The following FANK1 variants were observed in gnomAD, a reference collection of about 807,000 sequenced individuals.
The protein encoded by FANK1 is fibronectin type III and ankyrin repeat domains 1.
Under a neutral mutation model 45.3 loss-of-function variants are expected in FANK1, and 44 were observed. That is an observed-to-expected ratio of 0.97 (90% CI 0.76 to 1.25). The LOEUF is 1.25. FANK1 is among the 50% of genes most tolerant of loss of function. The pLI is 0.00. For missense variants in FANK1, 391 were observed against 424.4 expected (o/e 0.92, Z 0.69); for synonymous variants, 149 against 152.5 (o/e 0.98, Z 0.17).
At chr10:126,004,825 T>G in intron 6 of FANK1, 59 bp from the exon 7 acceptor site, 11 of 1,572,158 alleles carry the variant, frequency 7.0e-6, no homozygotes, top group Non-Finnish European at 8.7e-6. Flanking sequence ...GGGTAAAAGG[T>G]GGAGCTGAGT....
At position 126,005,001 on chromosome 10, in the gene FANK1, TGGA is replaced by T. The variant is rs775249750; in HGVS notation, c.660_662del (p.Gly221del). The T allele has an allele frequency of 8.1e-6, 13 of 1,613,998 alleles. No homozygotes were observed. The highest frequency in any genetic ancestry group is 1.3e-5 in the African/African-American group (1 of 74,920). On this transcript the variant is annotated inframe_deletion, in exon 7 of 11. Coordinates refer to ENST00000368693, the MANE Select transcript of FANK1 (RefSeq NM_145235.5). Reference sequence around the variant, plus strand: ...GTACAGCTCTGCACTGGGCTGCAGATGGAGGCCACTGCAGTGTGATTGAGTGGA... The same window carrying T: ...GTACAGCTCTGCACTGGGCTGCAGATGGCCACTGCAGTGTGATTGAGTGGA...
intron 1 of FANK1, among the ~76,000 whole-genome samples, chr10:125,923,551 AG>A (rs1465755216): frequency 6.6e-6 from 1 of 151,832 alleles, no homozygotes; most frequent in African/African-American, 2.4e-5. Context: ...TATTTGAGAC[AG>A]GGTCTCACTC....
At chr10:125,938,204 C>T (rs1948223323) in intron 1 of FANK1, among the ~76,000 whole-genome samples, 2 of 152,022 alleles carry the variant, frequency 1.3e-5, no homozygotes, top group Admixed American at 1.3e-4. Context: ...AGGATTCTCA[C>T]TGCGGAAGAA....
At chr10:125,951,227 C>G (rs1456190354) in intron 1 of FANK1, among the ~76,000 whole-genome samples, 1 of 143,090 alleles carries the variant, frequency 7.0e-6, no homozygotes, top group Non-Finnish European at 1.5e-5. Context: ...TACCCTAAAA[C>G]TTAAAGTATA....
At chr10:125,960,693 A>AT (rs913466342) in intron 1 of FANK1, among the ~76,000 whole-genome samples, 4 of 151,810 alleles carry the variant, frequency 2.6e-5, no homozygotes, top group Admixed American at 1.3e-4. Context: ...TGCCCAGCTA[A>AT]TTTTTTTTGT....
At chr10:125,943,252 AT>A (rs1026809293) in intron 1 of FANK1, among the ~76,000 whole-genome samples, 3 of 150,488 alleles carry the variant, frequency 2.0e-5, no homozygotes, top group Admixed American at 6.6e-5. Flanking sequence ...GACATTTTTC[AT>A]TTTTTTTTCT....
chr10:125,989,390 T>A (rs1211492478), intron 3 of FANK1: 1 of 1,544,076 alleles, frequency 6.5e-7, no homozygotes, highest in South Asian at 1.2e-5. Flanking sequence ...AAAGGAAACC[T>A]TCCTTTTGTG....
chr10:125,941,979 G>GT (rs1178232646), intron 1 of FANK1, among the ~76,000 whole-genome samples: 1 of 152,208 alleles, frequency 6.6e-6, no homozygotes, highest in African/African-American at 2.4e-5. Context: ...GGGGCCACTG[G>GT]TATTAGTAAT....
chr10:125,922,843 C>T (rs1448527349), intron 1 of FANK1, among the ~76,000 whole-genome samples: 7 of 152,150 alleles, frequency 4.6e-5, no homozygotes, highest in East Asian at 1.9e-4. Flanking sequence ...TTCTGATCCA[C>T]GTTGAATAAT....
chr10:125,921,153 A>G (rs1357336671), intron 1 of FANK1, among the ~76,000 whole-genome samples: 1 of 152,158 alleles, frequency 6.6e-6, no homozygotes, highest in Non-Finnish European at 1.5e-5. Context: ...CCCATGTATT[A>G]TGTTTGTTTT....
At chr10:125,978,620 A>G (rs552701293) in intron 1 of FANK1, among the ~76,000 whole-genome samples, 13 of 152,134 alleles carry the variant, frequency 8.5e-5, no homozygotes, top group East Asian at 1.9e-4. Flanking sequence ...TAGAGCAGCT[A>G]TGCTGTACTG....
intron 8 of FANK1, among the ~76,000 whole-genome samples, 177 bp downstream of exon 8, chr10:126,008,727 G>T (rs547585709): frequency 6.6e-6 from 1 of 152,136 alleles, no homozygotes; most frequent in Non-Finnish European, 1.5e-5. Context: ...GAATACTTTC[G>T]TTGTCTTTTT....
Position 125,971,033 on chromosome 10 carries a change from G to A in FANK1, c.14-9128G>A, listed in dbSNP as rs542870198. Among the ~76,000 whole-genome samples the A allele has an allele frequency of 3.9e-5, 6 of 152,204 alleles. 1 individual carries two copies. The South Asian group carries it at 1.2e-3, about 32-fold the overall frequency. On this transcript the variant is annotated intron_variant, in intron 1 of 10. Transcript: ENST00000368693. ...AACTTTAGCTGTATTATAAAACTTG[G>A]GGGTGATAACATTTACAAATAGACT...
At chr10:125,905,237 C>T (rs1446005900) in intron 1 of FANK1, among the ~76,000 whole-genome samples, 1 of 152,278 alleles carries the variant, frequency 6.6e-6, no homozygotes, top group Non-Finnish European at 1.5e-5. Context: ...TGAATAGCCA[C>T]TGCACTCCAG....
intron 1 of FANK1, among the ~76,000 whole-genome samples, chr10:125,978,048 A>AT: frequency 6.6e-6 from 1 of 151,868 alleles, no homozygotes; most frequent in Admixed American, 6.6e-5. Flanking sequence ...CAGTGAGGAG[A>AT]TATGGACAAG....
At chr10:125,969,195 A>G (rs113134727) in intron 1 of FANK1, among the ~76,000 whole-genome samples, 1,885 of 151,988 alleles carry the variant, frequency 0.012, 40 homozygotes, top group African/African-American at 0.043. Context: ...TGAAAATTGA[A>G]CATAAGGTCT....
intron 1 of FANK1, among the ~76,000 whole-genome samples, chr10:125,941,867 A>C (rs1038767159): frequency 6.6e-6 from 1 of 152,238 alleles, no homozygotes; most frequent in South Asian, 2.1e-4. Flanking sequence ...TCATATTACA[A>C]TGTTATTTCA....
intron 1 of FANK1, among the ~76,000 whole-genome samples, chr10:125,914,526 A>G (rs559586526): frequency 5.3e-4 from 81 of 152,332 alleles, no homozygotes; most frequent in African/African-American, 1.8e-3. Context: ...GAAAAGGAAG[A>G]TTGGTCCAAA....
At chr10:125,957,108 GC>G (rs1187053529) in intron 1 of FANK1, among the ~76,000 whole-genome samples, 1 of 152,130 alleles carries the variant, frequency 6.6e-6, no homozygotes, top group Non-Finnish European at 1.5e-5. Context: ...GCCTGCCTTG[GC>G]CTCCCAAAGT....
Sources: gnomAD v4.1 joint callset for allele counts (sites outside exome capture counted in the v4.1 genomes callset) on GRCh38, gnomAD v4.1.1 for gene constraint, MANE v1.5 for transcripts, NCBI Gene and HGNC (gene_info 2026-07-23, HGNC 2026-07-21) for gene names.